UNC5C: variants seen among roughly 807,000 people sequenced by gnomAD.
The protein encoded by UNC5C is netrin receptor UNC5C.
UNC5C carries 47 observed loss-of-function variants against 99.8 expected under a neutral mutation model. The ratio of observed to expected loss-of-function variants is 0.47; its 90% confidence interval spans 0.37 to 0.60. The LOEUF is 0.60. Ranked by LOEUF, UNC5C falls within the 20% of genes least tolerant of loss-of-function variation. The pLI is 0.00. For synonymous variants in UNC5C, 487 were observed against 452.2 expected (o/e 1.08, Z -0.98); for missense variants, 1,062 against 1,165.9 (o/e 0.91, Z 1.30).
intron 12 of UNC5C, among the ~76,000 whole-genome samples, chr4:95,198,295 C>A (rs991000850): frequency 1.3e-5 from 2 of 152,046 alleles, no homozygotes; most frequent in East Asian, 3.9e-4. Flanking sequence ...AGTGAGGGAG[C>A]CTCTCCTTAA....
intron 1 of UNC5C, among the ~76,000 whole-genome samples, chr4:95,415,306 G>C (rs2149453621): frequency 1.3e-5 from 2 of 152,056 alleles, no homozygotes; most frequent in South Asian, 4.2e-4. Flanking sequence ...AAATACAAGA[G>C]GGCAGTGATC....
chr4:95,484,412 C>T (rs1721266699), intron 1 of UNC5C, among the ~76,000 whole-genome samples: 1 of 151,834 alleles, frequency 6.6e-6, no homozygotes, highest in African/African-American at 2.4e-5. Flanking sequence ...GTTCCCATTT[C>T]TGCCTGGGCT....
At chr4:95,325,180 G>A (rs1742840659) in intron 2 of UNC5C, among the ~76,000 whole-genome samples, 1 of 152,138 alleles carries the variant, frequency 6.6e-6, no homozygotes, top group African/African-American at 2.4e-5. Flanking sequence ...ACTGAAGACT[G>A]AAGATAAGAT....
intron 1 of UNC5C, among the ~76,000 whole-genome samples, chr4:95,381,233 C>T (rs921635814): frequency 6.6e-6 from 1 of 152,164 alleles, no homozygotes. Flanking sequence ...CATCACTGAA[C>T]ATCATAGTGC....
At chr4:95,482,522 G>A (rs1319802645) in intron 1 of UNC5C, among the ~76,000 whole-genome samples, 9 of 146,106 alleles carry the variant, frequency 6.2e-5, no homozygotes, top group African/African-American at 1.3e-4. Context: ...TATACCCAAA[G>A]GACTATAAAT....
intron 1 of UNC5C, among the ~76,000 whole-genome samples, chr4:95,489,835 C>G (rs7697199): frequency 6.6e-6 from 1 of 151,198 alleles, no homozygotes; most frequent in African/African-American, 2.4e-5. Flanking sequence ...ATGTGAGGAG[C>G]CTGTTTCAAG....
At chr4:95,352,698 C>T (rs1339785263) in intron 1 of UNC5C, among the ~76,000 whole-genome samples, 1 of 152,200 alleles carries the variant, frequency 6.6e-6, no homozygotes, top group Non-Finnish European at 1.5e-5. Context: ...TTCTCCCTGT[C>T]AGGCCTAATC....
At chr4:95,278,948 T>C (rs1312749185) in intron 3 of UNC5C, among the ~76,000 whole-genome samples, 1 of 152,138 alleles carries the variant, frequency 6.6e-6, no homozygotes, top group African/African-American at 2.4e-5. Context: ...ATTAATTGCT[T>C]TTTGTTAGGA....
At chr4:95,356,193 C>CA (rs59097041) in intron 1 of UNC5C, among the ~76,000 whole-genome samples, 986 of 57,736 alleles carry the variant, frequency 0.017, 34 homozygotes, top group Middle Eastern at 0.043. Context: ...GACCCTGTAG[C>CA]AAAAAAAAAA....
chr4:95,189,909 C>G, intron 12 of UNC5C, among the ~76,000 whole-genome samples: 1 of 152,170 alleles, frequency 6.6e-6, no homozygotes, highest in Non-Finnish European at 1.5e-5. Context: ...TAAACTAGTT[C>G]AGCCATTGTG....
intron 1 of UNC5C, among the ~76,000 whole-genome samples, chr4:95,491,993 T>C (rs1157822443): frequency 6.6e-6 from 1 of 151,580 alleles, no homozygotes; most frequent in Non-Finnish European, 1.5e-5. Flanking sequence ...GTGTGGTGTG[T>C]TAGTTATCTA....
chr4:95,497,030 T>C (rs1341352579), intron 1 of UNC5C, among the ~76,000 whole-genome samples: 1 of 151,992 alleles, frequency 6.6e-6, no homozygotes, highest in East Asian at 1.9e-4. Flanking sequence ...TATGGCTGAG[T>C]AGTATTCCAT....
At chr4:95,497,302 G>A (rs76052965) in intron 1 of UNC5C, among the ~76,000 whole-genome samples, 3,155 of 152,060 alleles carry the variant, frequency 0.021, 108 homozygotes, top group African/African-American at 0.072. Context: ...CAGTGTAAAA[G>A]TGTCTGCTTT....
intron 7 of UNC5C, among the ~76,000 whole-genome samples, chr4:95,221,068 G>C (rs1283938094): frequency 6.6e-6 from 1 of 152,172 alleles, no homozygotes; most frequent in African/African-American, 2.4e-5. Flanking sequence ...TATAAATGTT[G>C]CATGTTGCCT....
chr4:95,477,867 T>C (rs540588602), intron 1 of UNC5C, among the ~76,000 whole-genome samples: 2 of 152,008 alleles, frequency 1.3e-5, no homozygotes, highest in Non-Finnish European at 2.9e-5. Context: ...TTGGCTCACT[T>C]GGGTTGGAAT....
At position 95,403,857 on chromosome 4, in the gene UNC5C, C is replaced by T. The variant is rs530126109; in HGVS notation, c.125-68226G>A. Among the ~76,000 whole-genome samples, 14 of 152,238 alleles carry T rather than the reference C, an allele frequency of 9.2e-5. No homozygotes were observed. The South Asian group carries it at 1.2e-3, about 14-fold the overall frequency. On this transcript the variant is annotated intron_variant, in intron 1 of 15. Coordinates refer to ENST00000453304, the MANE Select transcript of UNC5C (RefSeq NM_003728.4). ...CTTGTAATCAATAGGAGGGTATTTC[C>T]GAAGAGGCCAGTGTGGCTCACAGAT... is the stretch of plus-strand genomic sequence containing the variant.
intron 12 of UNC5C, among the ~76,000 whole-genome samples, chr4:95,201,486 C>T (rs1478580783): frequency 2.0e-5 from 3 of 152,152 alleles, no homozygotes; most frequent in Non-Finnish European, 4.4e-5. Context: ...TTAAACCTCT[C>T]CAATCTCCAT....
intron 4 of UNC5C, among the ~76,000 whole-genome samples, chr4:95,261,726 C>T (rs974400804): frequency 6.0e-5 from 8 of 134,422 alleles, no homozygotes; most frequent in East Asian, 2.3e-4. Context: ...TTTTTTGAAA[C>T]GGTGTCTCGC....
At chr4:95,471,155 C>A (rs985244088) in intron 1 of UNC5C, among the ~76,000 whole-genome samples, 2 of 151,810 alleles carry the variant, frequency 1.3e-5, no homozygotes, top group Admixed American at 6.6e-5. Context: ...GGTGGTAAGC[C>A]GTTACTGAGA....
Sources: gnomAD v4.1 joint callset for allele counts (sites outside exome capture counted in the v4.1 genomes callset) on GRCh38, gnomAD v4.1.1 for gene constraint, MANE v1.5 for transcripts, NCBI Gene and HGNC (gene_info 2026-07-23, HGNC 2026-07-21) for gene names.